ACSL5: variants seen among roughly 807,000 people sequenced by gnomAD.
ACSL5 encodes the protein acyl-CoA synthetase long chain family member 5.
ACSL5 carries 50 observed loss-of-function variants against 84.9 expected under a neutral mutation model. That is an observed-to-expected ratio of 0.59 (90% CI 0.47 to 0.75). The LOEUF (loss-of-function observed/expected upper bound fraction) is 0.75. ACSL5 is among the 30% of genes least tolerant of loss of function. The pLI is 0.00. For synonymous variants in ACSL5, 280 were observed against 300.7 expected (o/e 0.93, Z 0.71); for missense variants, 775 against 830.4 (o/e 0.93, Z 0.82).
chr10:112,385,441 G>A (rs916547090), intron 1 of ACSL5, among the ~76,000 whole-genome samples: 2 of 152,150 alleles, frequency 1.3e-5, no homozygotes, highest in African/African-American at 4.8e-5. Context: ...TGTGTAGAGG[G>A]CAATAGGGAC....
intron 14 of ACSL5, among the ~76,000 whole-genome samples, chr10:112,418,602 A>C (rs1263916482): frequency 3.3e-5 from 5 of 152,050 alleles, no homozygotes; most frequent in Non-Finnish European, 7.4e-5. Context: ...AAATAAAAAA[A>C]ATACTTGACT....
At chr10:112,391,067 G>A (rs969681342) in intron 1 of ACSL5, among the ~76,000 whole-genome samples, 1 of 152,182 alleles carries the variant, frequency 6.6e-6, no homozygotes, top group Non-Finnish European at 1.5e-5. Context: ...TATGTAAATT[G>A]TATCTCAATT....
chr10:112,411,259 G>A (rs1484137751), intron 9 of ACSL5, 197 bp from the exon 10 acceptor site: 4 of 580,006 alleles, frequency 6.9e-6, no homozygotes, highest in Admixed American at 3.1e-5. Flanking sequence ...GAAGGCCAAC[G>A]ATGCATTCAG....
At chr10:112,414,456 A>T (rs1844270477) in intron 12 of ACSL5, among the ~76,000 whole-genome samples, 1 of 150,316 alleles carries the variant, frequency 6.7e-6, no homozygotes. Context: ...CCTGGGTTCA[A>T]GTGATTCTCT....
chr10:112,412,110 C>A, intron 11 of ACSL5, 131 bp downstream of exon 11: 1 of 899,398 alleles, frequency 1.1e-6, no homozygotes, highest in Non-Finnish European at 1.8e-6. Context: ...AAGGAGTTGG[C>A]TCATGGGAGC....
chr10:112,399,553 C>T (rs546065900), intron 3 of ACSL5, among the ~76,000 whole-genome samples: 6 of 152,278 alleles, frequency 3.9e-5, no homozygotes, highest in African/African-American at 7.2e-5. Flanking sequence ...GGCTTTGACA[C>T]GTTCATTTGG....
intron 18 of ACSL5, among the ~76,000 whole-genome samples, 183 bp from the exon 19 acceptor site, chr10:112,426,074 TG>T (rs1227410436): frequency 4.8e-5 from 5 of 104,420 alleles, no homozygotes; most frequent in African/African-American, 1.5e-4. Flanking sequence ...AGATATTGAG[TG>T]GGAAAATGGG....
chr10:112,425,218 C>T, intron 17 of ACSL5, 120 bp from the exon 18 acceptor site: 1 of 899,112 alleles, frequency 1.1e-6, no homozygotes, highest in Non-Finnish European at 1.6e-6. Context: ...TGAAAGACAG[C>T]TCAAAAGTCT....
intron 5 of ACSL5, 106 bp downstream of exon 5, chr10:112,404,912 A>AG (rs1843995719): frequency 5.1e-6 from 5 of 987,034 alleles, no homozygotes; most frequent in Admixed American, 2.4e-5. Flanking sequence ...GCCTTACCAA[A>AG]GCTATTGTTA....
intron 1 of ACSL5, among the ~76,000 whole-genome samples, chr10:112,392,220 C>T (rs1230752249): frequency 2.0e-5 from 3 of 152,206 alleles, no homozygotes; most frequent in Non-Finnish European, 4.4e-5. Context: ...ACCTGTAATC[C>T]CAGCACTTCG....
chr10:112,376,770 G>A (rs924480315), intron 1 of ACSL5, among the ~76,000 whole-genome samples: 2 of 152,134 alleles, frequency 1.3e-5, no homozygotes, highest in African/African-American at 4.8e-5. Flanking sequence ...CCTGAGGTGG[G>A]CTGGGGGTTT....
At chr10:112,422,065 G>A in intron 16 of ACSL5, 30 bp downstream of exon 16, 1 of 1,606,828 alleles carries the variant, frequency 6.2e-7, no homozygotes, top group Non-Finnish European at 8.5e-7. Context: ...TGGTCAGACA[G>A]TCATGGTGGG....
rs765083257 is a variant in ACSL5, at chr10:112,394,915, A to G, written c.-29-3A>G. On this transcript the variant is annotated splice_region_variant and splice_polypyrimidine_tract_variant and intron_variant, in intron 1 of 20. Coordinates refer to ENST00000354655, the MANE Select transcript of ACSL5 (RefSeq NM_203379.2). ...ATTTTCTTTCCCCTGTTTTTTTTTT[A>G]AGGTCTGAATTTCCTGCTGCTGTTC... is the stretch of plus-strand genomic sequence containing the variant. The G allele has an allele frequency of 1.4e-5, 22 of 1,601,164 alleles. No individual in the cohort carries two copies. The South Asian group carries it at 2.3e-4, about 17-fold the overall frequency.
chr10:112,399,135 T>G, intron 3 of ACSL5, 126 bp downstream of exon 3: 1 of 769,650 alleles, frequency 1.3e-6, no homozygotes, highest in South Asian at 1.6e-5. Context: ...AATCGCAACA[T>G]GCAAAATAGA....
intron 5 of ACSL5, chr10:112,406,354 T>C (rs1368311795): frequency 6.6e-6 from 1 of 152,166 alleles, no homozygotes; most frequent in Non-Finnish European, 1.5e-5. Flanking sequence ...TTCTTCTTCA[T>C]AGAAGGAAGG....
At chr10:112,396,643 G>A (rs1843752527) in intron 2 of ACSL5, among the ~76,000 whole-genome samples, 2 of 152,006 alleles carry the variant, frequency 1.3e-5, no homozygotes, top group Admixed American at 6.6e-5. Flanking sequence ...TGATGCTTAA[G>A]TAACTTAAGC....
chr10:112,401,855 C>CCTTCCTTT (rs1843916462), intron 3 of ACSL5, among the ~76,000 whole-genome samples: 4 of 97,456 alleles, frequency 4.1e-5, no homozygotes, highest in African/African-American at 1.3e-4. Flanking sequence ...TTCCTTCCTT[C>CCTTCCTTT]CTTTCTTTCT....
rs1044551044 is a variant in ACSL5, at chr10:112,398,009, C to T, written c.157-892C>T. Reference sequence around the variant, plus strand: ...AGGGTTACCAAAAACATAACAGTGGCAATCTCTGGGTGGGATTACAGATCC... The same window carrying T: ...AGGGTTACCAAAAACATAACAGTGGTAATCTCTGGGTGGGATTACAGATCC... On this transcript the variant is annotated intron_variant, in intron 2 of 20. Transcript: ENST00000354655. Among the ~76,000 whole-genome samples the T allele has an allele frequency of 3.8e-4, 57 of 150,748 alleles. 1 individual carries two copies. Among genetic ancestry groups the T allele is most frequent in the African/African-American group, 1.4e-3 (57 of 40,898 alleles).
At chr10:112,391,160 C>G (rs918598418) in intron 1 of ACSL5, among the ~76,000 whole-genome samples, 1 of 152,128 alleles carries the variant, frequency 6.6e-6, no homozygotes, top group Non-Finnish European at 1.5e-5. Context: ...GGGCGGATCA[C>G]CTGAGGTCAG....
Sources: allele counts gnomAD v4.1 joint callset (sites outside exome capture counted in the v4.1 genomes callset), GRCh38; gene constraint gnomAD v4.1.1; transcripts MANE v1.5; gene names NCBI Gene and HGNC (gene_info 2026-07-23, HGNC 2026-07-21).